TRHDE: variants seen among roughly 807,000 people sequenced by gnomAD.
TRHDE encodes the protein thyrotropin-releasing hormone-degrading ectoenzyme.
Under a neutral mutation model 125.7 loss-of-function variants are expected in TRHDE, and 72 were observed. The observed-to-expected ratio is 0.57, with a 90% CI of 0.47 to 0.70. The LOEUF is 0.70. Ranked by LOEUF, TRHDE falls within the 30% of genes least tolerant of loss-of-function variation. The probability of loss-of-function intolerance (pLI) is 0.00; values close to 1 mark genes in which losing one functional copy is unlikely to be tolerated. For missense variants in TRHDE, 1,110 were observed against 1,327.1 expected (o/e 0.84, Z 2.54); for synonymous variants, 509 against 509.1 (o/e 1.00, Z 0.00).
At chr12:72,319,411 A>G (rs1221061102) in intron 2 of TRHDE, among the ~76,000 whole-genome samples, 1 of 152,190 alleles carries the variant, frequency 6.6e-6, no homozygotes, top group Non-Finnish European at 1.5e-5. Flanking sequence ...TTAATCAACA[A>G]CATGAAATAT....
intron 2 of TRHDE, among the ~76,000 whole-genome samples, chr12:72,157,948 G>A (rs139091905): frequency 2.6e-5 from 4 of 152,274 alleles, no homozygotes; most frequent in South Asian, 4.1e-4. Flanking sequence ...AGAGGTAGGA[G>A]AAAGGTGAGA....
intron 2 of TRHDE, among the ~76,000 whole-genome samples, chr12:72,308,853 T>A (rs1868407917): frequency 6.6e-6 from 1 of 152,194 alleles, no homozygotes; most frequent in Non-Finnish European, 1.5e-5. Context: ...TCTGACTTAG[T>A]TGAGAAGAAA....
intron 7 of TRHDE, among the ~76,000 whole-genome samples, chr12:72,556,525 T>C (rs1869933757): frequency 6.6e-6 from 1 of 152,208 alleles, no homozygotes; most frequent in South Asian, 2.1e-4. Flanking sequence ...TCTTTTAGGA[T>C]TCATAGTCCT....
At chr12:72,195,775 G>T (rs1210553538) in intron 2 of TRHDE, among the ~76,000 whole-genome samples, 2 of 152,050 alleles carry the variant, frequency 1.3e-5, no homozygotes, top group African/African-American at 4.8e-5. Flanking sequence ...TGCTTTTGAG[G>T]ATCTAGTTAT....
chr12:72,165,730 A>C (rs1876731487), intron 2 of TRHDE, among the ~76,000 whole-genome samples: 1 of 151,498 alleles, frequency 6.6e-6, no homozygotes, highest in Admixed American at 6.6e-5. Flanking sequence ...CTGGAGGGTC[A>C]GGGGCACGAT....
rs534904621 is a variant in TRHDE at position 72,120,839 on chromosome 12, C to T, written n.279+15087C>T. ...GACTACAGGCGTGTGCCACCACGCC[C>T]GGCTAATTTTTTTGTATTTTAGTAG... On this transcript the variant is annotated intron_variant and non_coding_transcript_variant, in intron 2 of 4. Coordinates refer to the TRHDE transcript ENST00000548156. Among the ~76,000 whole-genome samples, 15 of 151,846 alleles carry T rather than the reference C, an allele frequency of 9.9e-5. No homozygotes were observed. In the East Asian group the frequency reaches 1.2e-3, roughly 12 times the overall value.
intron 6 of TRHDE, among the ~76,000 whole-genome samples, chr12:72,517,871 C>T (rs1294250580): frequency 1.3e-5 from 2 of 151,918 alleles, no homozygotes; most frequent in Admixed American, 1.3e-4. Context: ...TTTCAAAGAA[C>T]ATCTTTATTT....
At chr12:72,232,771 C>A (rs2139375141) in intron 2 of TRHDE, among the ~76,000 whole-genome samples, 1 of 152,134 alleles carries the variant, frequency 6.6e-6, no homozygotes, top group Non-Finnish European at 1.5e-5. Flanking sequence ...TCCTTTATGT[C>A]TTTTTCTAAA....
intron 2 of TRHDE, among the ~76,000 whole-genome samples, chr12:72,330,416 TG>T (rs1263751334): frequency 6.6e-6 from 1 of 151,248 alleles, no homozygotes; most frequent in African/African-American, 2.4e-5. Flanking sequence ...GCCACAGGGA[TG>T]TTACGTGAGG....
intron 2 of TRHDE, among the ~76,000 whole-genome samples, chr12:72,336,112 G>T (rs1223697830): frequency 2.6e-5 from 4 of 152,146 alleles, no homozygotes; most frequent in Non-Finnish European, 4.4e-5. Flanking sequence ...AAGGAGAAAA[G>T]AATTTTAACA....
chr12:72,165,169 G>A (rs1047756686), intron 2 of TRHDE, among the ~76,000 whole-genome samples: 1 of 152,124 alleles, frequency 6.6e-6, no homozygotes, highest in Non-Finnish European at 1.5e-5. Flanking sequence ...GAATGAAAGG[G>A]AATCATTGCT....
At chr12:72,128,962 A>T (rs1444710474) in intron 2 of TRHDE, among the ~76,000 whole-genome samples, 2 of 152,224 alleles carry the variant, frequency 1.3e-5, no homozygotes, top group Non-Finnish European at 2.9e-5. Context: ...AGAAAGAGGA[A>T]AAAAGAATAC....
chr12:72,484,179 A>G (rs1877301936), intron 5 of TRHDE, among the ~76,000 whole-genome samples: 1 of 152,144 alleles, frequency 6.6e-6, no homozygotes, highest in African/African-American at 2.4e-5. Flanking sequence ...AATTCTCTCA[A>G]GTGTCTGCAA....
At chr12:72,470,820 A>C (rs1876606069) in intron 4 of TRHDE, among the ~76,000 whole-genome samples, 1 of 143,362 alleles carries the variant, frequency 7.0e-6, no homozygotes, top group African/African-American at 2.5e-5. Flanking sequence ...TGACTTAATG[A>C]TGAAGTGATC....
chr12:72,270,799 C>T (rs919782541), upstream of TRHDE, among the ~76,000 whole-genome samples: 11 of 152,128 alleles, frequency 7.2e-5, no homozygotes, highest in Admixed American at 4.6e-4. Context: ...GGTTGGATAT[C>T]CCACATACTT....
chr12:72,589,247 T>C (rs1244189557), intron 12 of TRHDE, among the ~76,000 whole-genome samples: 2 of 152,208 alleles, frequency 1.3e-5, no homozygotes, highest in Non-Finnish European at 2.9e-5. Flanking sequence ...TATTTTCTTA[T>C]GATCGATCTG....
chr12:72,166,628 G>A (rs1346067943), intron 2 of TRHDE, among the ~76,000 whole-genome samples: 4 of 152,136 alleles, frequency 2.6e-5, no homozygotes, highest in African/African-American at 9.7e-5. Context: ...GCTTGTGCAG[G>A]TTCCTCTGAT....
At chr12:72,255,568 G>A (rs1004631404) in intron 2 of TRHDE, 9 of 152,252 alleles carry the variant, frequency 5.9e-5, no homozygotes, top group African/African-American at 2.2e-4. Context: ...CACCACAGGG[G>A]CAGTGTGACT....
chr12:72,355,016 A>C (rs1475554032), intron 2 of TRHDE, among the ~76,000 whole-genome samples: 2 of 151,538 alleles, frequency 1.3e-5, no homozygotes, highest in African/African-American at 2.4e-5. Context: ...TCATTTGGCC[A>C]ATATTGATTA....
Sources: allele counts gnomAD v4.1 joint callset (sites outside exome capture counted in the v4.1 genomes callset), GRCh38; gene constraint gnomAD v4.1.1; transcripts MANE v1.5; gene names NCBI Gene and HGNC (gene_info 2026-07-23, HGNC 2026-07-21).